The following BLTP3B variants were observed in gnomAD, a reference collection of about 807,000 sequenced individuals.
BLTP3B encodes the protein UHRF1 (ICBP90) binding protein 1-like.
At chr12:100,047,069 T>C in the BLTP3B span, among the ~76,000 whole-genome samples, 36 of 152,320 alleles carry the variant, frequency 2.4e-4, no homozygotes, top group Admixed American at 1.9e-3. Flanking sequence ...TGATACTTTA[T>C]TACAATGTAC....
chr12:100,119,092 ACT>A, the BLTP3B span, among the ~76,000 whole-genome samples: 1 of 152,080 alleles, frequency 6.6e-6, no homozygotes, highest in Admixed American at 6.5e-5. Context: ...ACAGAGCCAG[ACT>A]CTGTCTCAAA....
At chr12:100,105,518 C>T in the BLTP3B span, among the ~76,000 whole-genome samples, 9 of 152,168 alleles carry the variant, frequency 5.9e-5, no homozygotes, top group African/African-American at 9.6e-5. Context: ...ATCCCTATCT[C>T]TTACTGTATA....
At chr12:100,066,306 G>A in the BLTP3B span, among the ~76,000 whole-genome samples, 1 of 152,150 alleles carries the variant, frequency 6.6e-6, no homozygotes, top group Non-Finnish European at 1.5e-5. Flanking sequence ...AAAAGGCCTT[G>A]TGCAACAGTA....
the BLTP3B span, among the ~76,000 whole-genome samples, chr12:100,141,258 C>T: frequency 6.6e-6 from 1 of 151,082 alleles, no homozygotes; most frequent in East Asian, 1.9e-4. Context: ...CCGAGGACCG[C>T]GGATCACCTG....
chr12:100,082,072 C>T, the BLTP3B span, among the ~76,000 whole-genome samples: 1 of 152,082 alleles, frequency 6.6e-6, no homozygotes, highest in Non-Finnish European at 1.5e-5. Flanking sequence ...TCACCAACAT[C>T]TATTTTTTTG....
chr12:100,123,972 C>G, the BLTP3B span, among the ~76,000 whole-genome samples: 1 of 152,126 alleles, frequency 6.6e-6, no homozygotes, highest in Non-Finnish European at 1.5e-5. Context: ...TGTTGTTAAC[C>G]TTTAAAATAG....
chr12:100,138,639 A>G, the BLTP3B span, among the ~76,000 whole-genome samples: 1 of 152,168 alleles, frequency 6.6e-6, no homozygotes, highest in Non-Finnish European at 1.5e-5. Flanking sequence ...AAACTATACG[A>G]TGACTCCACC....
At chr12:100,121,715 G>A in the BLTP3B span, among the ~76,000 whole-genome samples, 2 of 152,072 alleles carry the variant, frequency 1.3e-5, no homozygotes, top group Non-Finnish European at 2.9e-5. Context: ...TATAAGCCCA[G>A]CTACTTGGGA....
chr12:100,131,938 C>T, the BLTP3B span, among the ~76,000 whole-genome samples: 27 of 152,196 alleles, frequency 1.8e-4, no homozygotes, highest in Middle Eastern at 6.8e-3. Flanking sequence ...TACAGGCATG[C>T]GCCACCATGC....
the BLTP3B span, among the ~76,000 whole-genome samples, chr12:100,138,999 C>T: frequency 1.3e-5 from 2 of 152,154 alleles, no homozygotes; most frequent in Admixed American, 1.3e-4. Flanking sequence ...CTAGAAAACC[C>T]TCCCAAAATA....
chr12:100,059,556 C>G, the BLTP3B span: 1 of 1,550,446 alleles, frequency 6.4e-7, no homozygotes, highest in Non-Finnish European at 8.7e-7. Context: ...AAAAATTAAT[C>G]TCATCCAACT....
the BLTP3B span, chr12:100,072,575 TTTTA>T: frequency 7.5e-6 from 8 of 1,060,456 alleles, no homozygotes; most frequent in Admixed American, 6.8e-5. Flanking sequence ...AACAATACAG[TTTTA>T]TTTATTTTTC....
the BLTP3B span, among the ~76,000 whole-genome samples, chr12:100,081,867 T>C: frequency 6.6e-6 from 1 of 152,362 alleles, no homozygotes; most frequent in South Asian, 2.1e-4. Context: ...AGTGCTGCCA[T>C]GAACATACAA....
chr12:100,072,568 A>G, the BLTP3B span: 1 of 1,000,420 alleles, frequency 1.0e-6, no homozygotes, highest in Admixed American at 3.6e-5. Flanking sequence ...AATAAGGAAC[A>G]ATACAGTTTT....
chr12:100,061,761 GA>G, the BLTP3B span, among the ~76,000 whole-genome samples: 1 of 151,842 alleles, frequency 6.6e-6, no homozygotes, highest in South Asian at 2.1e-4. Context: ...GCAGCTTGTA[GA>G]AACTTTGAAT....
the BLTP3B span, among the ~76,000 whole-genome samples, chr12:100,102,476 A>C: frequency 6.6e-6 from 1 of 152,202 alleles, no homozygotes; most frequent in African/African-American, 2.4e-5. Flanking sequence ...ATGCAGAGAA[A>C]CTGATCAGAG....
the BLTP3B span, among the ~76,000 whole-genome samples, chr12:100,043,244 C>G: frequency 6.6e-6 from 1 of 152,130 alleles, no homozygotes; most frequent in African/African-American, 2.4e-5. Context: ...GGTCTGGAAC[C>G]CAATCAGCAA....
chr12:100,084,607 T>C, the BLTP3B span: 26 of 1,613,982 alleles, frequency 1.6e-5, no homozygotes, highest in East Asian at 4.9e-4. Flanking sequence ...GGCCCATCCA[T>C]TTTTTGTTTT....
At chr12:100,088,949 T>G in the BLTP3B span, 1 of 1,607,986 alleles carries the variant, frequency 6.2e-7, no homozygotes, top group Non-Finnish European at 8.5e-7. Flanking sequence ...CACATATGTG[T>G]AGATCTAGAT....
Sources: gnomAD v4.1 joint callset for allele counts (sites outside exome capture counted in the v4.1 genomes callset) on GRCh38, gnomAD v4.1.1 for gene constraint, MANE v1.5 for transcripts, NCBI Gene and HGNC (gene_info 2026-07-23, HGNC 2026-07-21) for gene names.